The following VAMP3 variants were observed in gnomAD, a reference collection of about 807,000 sequenced individuals.
The protein encoded by VAMP3 is vesicle associated membrane protein 3.
VAMP3 carries 11 observed loss-of-function variants against 18.1 expected under a neutral mutation model. The observed-to-expected ratio is 0.61, with a 90% confidence interval of 0.38 to 1.00. VAMP3 has a LOEUF of 1.00. Among genes scored for constraint, VAMP3 ranks in the 50% least tolerant of loss-of-function variants. VAMP3 has a pLI of 0.01. For missense variants in VAMP3, 122 were observed against 127.3 expected, an observed-to-expected ratio of 0.96 and a Z score of 0.20; for synonymous variants, 49 against 43.1, an observed-to-expected ratio of 1.14 and a Z score of -0.53.
chr1:7,780,335 A>C lies in VAMP3; in HGVS notation c.*690A>C, dbSNP rs888437311. On this transcript the variant is annotated 3_prime_UTR_variant, in exon 5 of 5. Transcript: ENST00000054666. Reference sequence around the variant, plus strand: ...AGCTTCTATTTTGCCAAAAAGTTAAATACCGATAAAATGGCCTTAAGTGTA... The same window carrying C: ...AGCTTCTATTTTGCCAAAAAGTTAACTACCGATAAAATGGCCTTAAGTGTA... 10 of 152,976 alleles carry C rather than the reference A, an allele frequency of 6.5e-5. No individual in the cohort carries two copies. Among genetic ancestry groups the C allele is most frequent in the Non-Finnish European group, 1.0e-4 (7 of 68,056 alleles). The allele number at this position is 152,976 out of a possible 1,614,324, so 9.5% of individuals were successfully genotyped here. A position where few individuals can be genotyped will look rare whatever the true frequency, so the allele number is the denominator to read the frequency against.
intron 2 of VAMP3, among the ~76,000 whole-genome samples, chr1:7,774,222 T>G (rs1427002034): frequency 6.6e-6 from 1 of 152,258 alleles, no homozygotes; most frequent in Non-Finnish European, 1.5e-5. Flanking sequence ...GATACTGTTG[T>G]TAAATAATAT....
chr1:7,776,438 TAG>T (rs1318333081), intron 2 of VAMP3: 1 of 152,252 alleles, frequency 6.6e-6, no homozygotes, highest in Non-Finnish European at 1.5e-5. Flanking sequence ...ATTTTTTATA[TAG>T]AGAGAATCAT....
intron 4 of VAMP3, among the ~76,000 whole-genome samples, chr1:7,779,247 TATA>T (rs775388862): frequency 2.0e-5 from 3 of 152,068 alleles, no homozygotes; most frequent in Admixed American, 1.3e-4. Flanking sequence ...GTGCCTGGCA[TATA>T]ATAATAAAAA....
chr1:7,778,025 C>T (rs2097055143), intron 3 of VAMP3, 93 bp from the exon 4 acceptor site: 54 of 1,399,236 alleles, frequency 3.9e-5, no homozygotes, highest in South Asian at 5.9e-5. Context: ...CTGAATTTCC[C>T]TTTCAGTGAC....
At chr1:7,773,024 CATATTGG>C (rs966515770) in intron 1 of VAMP3, 2 of 156,550 alleles carry the variant, frequency 1.3e-5, no homozygotes, top group African/African-American at 4.8e-5. Flanking sequence ...TCTATTTTTC[CATATTGG>C]AAAAAGGGCA....
chr1:7,781,318 G>A lies in VAMP3; in HGVS notation c.*1673G>A, dbSNP rs1052228435. The A allele has an allele frequency of 3.9e-5, 6 of 152,922 alleles. No individual in the cohort carries two copies. The highest frequency in any genetic ancestry group is 5.9e-5 in the Non-Finnish European group (4 of 68,158). The allele number at this position is 152,922 out of a possible 1,614,324, so 9.5% of individuals were successfully genotyped here. A position where few individuals can be genotyped will look rare whatever the true frequency, so the allele number is the denominator to read the frequency against. On this transcript the variant is annotated 3_prime_UTR_variant, in exon 5 of 5. Transcript: ENST00000054666. ...ACTCGCCCCTTGGCCACAGTGCCCA[G>A]ACCCATGTAACCCACTGGCTCCTGC...
intron 2 of VAMP3, 91 bp from the exon 3 acceptor site, chr1:7,777,069 C>T (rs2097054610): frequency 4.8e-6 from 7 of 1,447,272 alleles, no homozygotes; most frequent in East Asian, 2.4e-5. Flanking sequence ...CCTCGGCCTC[C>T]CAAAGTGCTA....
chr1:7,774,775 G>A (rs1205010436), intron 2 of VAMP3, among the ~76,000 whole-genome samples: 1 of 152,210 alleles, frequency 6.6e-6, no homozygotes, highest in Non-Finnish European at 1.5e-5. Context: ...CATTGTATGT[G>A]TATACACAAT....
intron 4 of VAMP3, 40 bp downstream of exon 4, chr1:7,778,209 C>A: frequency 6.2e-7 from 1 of 1,605,344 alleles, no homozygotes; most frequent in Non-Finnish European, 8.5e-7. Flanking sequence ...AAAGTCTTCT[C>A]CATGTGTTCA....
At position 7,779,554 on chromosome 1, in the gene VAMP3, T is replaced by A. The variant is rs370125796; in HGVS notation, c.284-72T>A. ...CACATTTAGACTGCAGCATTGGATGTTGGCTTGGGATTCACACTGAGAGAC... is the reference window on the plus strand; with the variant it reads ...CACATTTAGACTGCAGCATTGGATGATGGCTTGGGATTCACACTGAGAGAC... On this transcript the variant is annotated intron_variant, in intron 4 of 4. Coordinates refer to ENST00000054666, the MANE Select transcript of VAMP3 (RefSeq NM_004781.4). 2.7e-4 allele frequency: 433 copies of A among 1,604,166 alleles called. 2 individuals are homozygous for A. The African/African-American group carries it at 5.3e-3, about 20-fold the overall frequency.
chr1:7,772,615 G>A, intron 1 of VAMP3: 1 of 152,636 alleles, frequency 6.6e-6, no homozygotes, highest in Non-Finnish European at 1.5e-5. Context: ...TGGGCCGGGC[G>A]CGGTGGCTCA....
intron 2 of VAMP3, among the ~76,000 whole-genome samples, chr1:7,774,337 T>G (rs941753137): frequency 7.1e-6 from 1 of 140,400 alleles, no homozygotes; most frequent in Non-Finnish European, 1.6e-5. Context: ...TTCTGTTTAC[T>G]TACAAAATCA....
At chr1:7,777,057 C>T (rs1310190980) in intron 2 of VAMP3, 103 bp from the exon 3 acceptor site, 52 of 1,354,222 alleles carry the variant, frequency 3.8e-5, no homozygotes. Flanking sequence ...GTGATCCACC[C>T]ACCTCGGCCT....
chr1:7,773,561 T>C (rs748337653), intron 2 of VAMP3, 50 bp downstream of exon 2: 7 of 1,501,796 alleles, frequency 4.7e-6, no homozygotes, highest in Admixed American at 1.8e-5. Context: ...ATATGAGTAC[T>C]CTGGAAATCT....
chr1:7,778,151 T>TTCA lies in VAMP3; in HGVS notation c.280_282dup (p.Ile94dup), dbSNP rs752706951. 7.7e-5 allele frequency: 124 copies of TTCA among 1,613,674 alleles called. 1 individual carries two copies. The Middle Eastern group carries it at 9.9e-4, about 13-fold the overall frequency. On this transcript the variant is annotated inframe_insertion, in exon 4 of 5. Coordinates refer to ENST00000054666, the MANE Select transcript of VAMP3 (RefSeq NM_004781.4). ...AATCGGGATTACTGTTCTGGTTATC[T>TTCA]TCATCATCATCATCATCGGTGAGTT...
At chr1:7,778,195 T>A (rs775234051) in intron 4 of VAMP3, 26 bp downstream of exon 4, 2 of 1,612,912 alleles carry the variant, frequency 1.2e-6, no homozygotes, top group Non-Finnish European at 1.7e-6. Context: ...CTAAACTGAT[T>A]GGAAAAGTCT....
intron 4 of VAMP3, among the ~76,000 whole-genome samples, chr1:7,778,487 T>A (rs1166752757): frequency 6.6e-6 from 1 of 152,028 alleles, no homozygotes; most frequent in Non-Finnish European, 1.5e-5. Context: ...TGAGCCATGA[T>A]CATGCCACTG....
In VAMP3 at chr1:7,777,328, T is replaced by G. The variant is rs751725280; in HGVS notation, c.231+10T>G. Reference sequence around the variant, plus strand: ...GTGGAAGAATTGCAAGGTAATTATCTTTTAACTGACCTTTACATTTAACCC... The same window carrying G: ...GTGGAAGAATTGCAAGGTAATTATCGTTTAACTGACCTTTACATTTAACCC... On this transcript the variant is annotated intron_variant, in intron 3 of 4. Transcript: ENST00000054666. 6.2e-7 allele frequency: 1 copy of G among 1,608,034 alleles called. No homozygotes were observed. Among genetic ancestry groups the G allele is most frequent in the East Asian group, 2.2e-5 (1 of 44,732 alleles).
At chr1:7,779,068 G>A (rs555481245) in intron 4 of VAMP3, among the ~76,000 whole-genome samples, 10 of 152,180 alleles carry the variant, frequency 6.6e-5, no homozygotes, top group African/African-American at 1.2e-4. Flanking sequence ...GGTCGCGGGC[G>A]CCTGTAGTCC....
Sources: gnomAD v4.1 joint callset for allele counts (sites outside exome capture counted in the v4.1 genomes callset) on GRCh38, gnomAD v4.1.1 for gene constraint, MANE v1.5 for transcripts, NCBI Gene and HGNC (gene_info 2026-07-23, HGNC 2026-07-21) for gene names.